The following C7orf78 variants were observed in gnomAD, a reference collection of about 807,000 sequenced individuals.
C7orf78 encodes putative uncharacterized protein C7orf78.
chr7:12,525,888 A>C, the C7orf78 span: 1 of 397,012 alleles, frequency 2.5e-6, no homozygotes, highest in African/African-American at 2.1e-5. Context: ...AATTTAAATC[A>C]CAACACTTAA....
the C7orf78 span, among the ~76,000 whole-genome samples, chr7:12,489,623 T>C: frequency 6.6e-6 from 1 of 152,110 alleles, no homozygotes; most frequent in Admixed American, 6.6e-5. Flanking sequence ...TTTCTTCACC[T>C]GTATCTAGAA....
At chr7:12,492,471 C>CA in the C7orf78 span, among the ~76,000 whole-genome samples, 1 of 152,172 alleles carries the variant, frequency 6.6e-6, no homozygotes, top group African/African-American at 2.4e-5. Flanking sequence ...GCAATGTCCC[C>CA]AGCAATACTG....
chr7:12,505,283 A>G, the C7orf78 span, among the ~76,000 whole-genome samples: 1 of 152,112 alleles, frequency 6.6e-6, no homozygotes, highest in Non-Finnish European at 1.5e-5. Context: ...AAGGTAGAAA[A>G]TGGTTGAATA....
the C7orf78 span, among the ~76,000 whole-genome samples, chr7:12,499,049 C>A: frequency 6.6e-6 from 1 of 151,614 alleles, no homozygotes; most frequent in African/African-American, 2.4e-5. Flanking sequence ...GATTTTGTCA[C>A]CACCAGGCCT....
chr7:12,536,213 G>C, the C7orf78 span, among the ~76,000 whole-genome samples: 1 of 152,156 alleles, frequency 6.6e-6, no homozygotes, highest in African/African-American at 2.4e-5. Context: ...TGGGCATCCA[G>C]ATGTTTCCCT....
chr7:12,536,898 G>A, the C7orf78 span, among the ~76,000 whole-genome samples: 1 of 152,012 alleles, frequency 6.6e-6, no homozygotes, highest in Non-Finnish European at 1.5e-5. Context: ...CTTCTGAGAC[G>A]ACCTCAGCCT....
chr7:12,496,826 G>A, the C7orf78 span, among the ~76,000 whole-genome samples: 1 of 152,186 alleles, frequency 6.6e-6, no homozygotes, highest in African/African-American at 2.4e-5. Context: ...ATAGCATAAA[G>A]ATAGGTTAAT....
the C7orf78 span, among the ~76,000 whole-genome samples, chr7:12,505,687 T>A: frequency 6.7e-6 from 1 of 148,878 alleles, no homozygotes; most frequent in Non-Finnish European, 1.5e-5. Flanking sequence ...TACTAATTTA[T>A]TTTTTCCTTA....
At chr7:12,511,815 G>C in the C7orf78 span, among the ~76,000 whole-genome samples, 1 of 151,224 alleles carries the variant, frequency 6.6e-6, no homozygotes, top group East Asian at 1.9e-4. Flanking sequence ...GCAGTGGCAC[G>C]ATCTCAGCTC....
chr7:12,537,593 A>G, the C7orf78 span, among the ~76,000 whole-genome samples: 3 of 152,226 alleles, frequency 2.0e-5, no homozygotes, highest in Non-Finnish European at 2.9e-5. Context: ...ACATACATAT[A>G]ACCTATGACA....
the C7orf78 span, among the ~76,000 whole-genome samples, chr7:12,529,957 G>C: frequency 7.2e-5 from 11 of 152,140 alleles, no homozygotes; most frequent in Non-Finnish European, 1.3e-4. Context: ...TTAAGGGGTG[G>C]GTTATCCAGA....
the C7orf78 span, among the ~76,000 whole-genome samples, chr7:12,488,913 G>GT: frequency 0.55 from 78,455 of 143,252 alleles, 21,889 homozygotes; most frequent in East Asian, 0.65. Flanking sequence ...GGTTTGATTG[G>GT]TTTTTTTTTT....
the C7orf78 span, among the ~76,000 whole-genome samples, chr7:12,507,641 G>A: frequency 2.6e-5 from 4 of 152,158 alleles, no homozygotes; most frequent in Non-Finnish European, 5.9e-5. Context: ...TTGTTTAAAG[G>A]TAATTAGACA....
chr7:12,534,792 A>C, the C7orf78 span, among the ~76,000 whole-genome samples: 2 of 152,106 alleles, frequency 1.3e-5, no homozygotes, highest in East Asian at 3.9e-4. Context: ...GTCTCTACAA[A>C]ACATTTAAAA....
the C7orf78 span, among the ~76,000 whole-genome samples, chr7:12,498,703 G>C: frequency 6.6e-6 from 1 of 151,436 alleles, no homozygotes; most frequent in East Asian, 1.9e-4. Flanking sequence ...AGCAAGGCAG[G>C]CCAACGTTCA....
the C7orf78 span, among the ~76,000 whole-genome samples, chr7:12,531,537 A>T: frequency 6.6e-6 from 1 of 152,188 alleles, no homozygotes; most frequent in Non-Finnish European, 1.5e-5. Flanking sequence ...ATTAAATAAG[A>T]TGATATATAC....
At chr7:12,541,831 C>G in the C7orf78 span, 1 of 152,076 alleles carries the variant, frequency 6.6e-6, no homozygotes. Context: ...CTTTAAGAAG[C>G]TTCTCTGAGA....
the C7orf78 span, chr7:12,540,820 C>T: frequency 6.6e-6 from 1 of 152,174 alleles, no homozygotes; most frequent in African/African-American, 2.4e-5. Context: ...CATTTGCAGC[C>T]AAGTTTCTTG....
chr7:12,491,584 A>G, the C7orf78 span: 11 of 152,196 alleles, frequency 7.2e-5, no homozygotes, highest in African/African-American at 2.7e-4. Flanking sequence ...ATGCCCTCAG[A>G]AACACCACAC....
Sources: allele counts gnomAD v4.1 joint callset (sites outside exome capture counted in the v4.1 genomes callset), GRCh38; gene constraint gnomAD v4.1.1; transcripts MANE v1.5; gene names NCBI Gene and HGNC (gene_info 2026-07-23, HGNC 2026-07-21).